The following HMCN1 variants were observed in gnomAD, a reference collection of about 807,000 sequenced individuals.
The protein encoded by HMCN1 is hemicentin 1.
A neutral mutation model predicts 625.9 loss-of-function variants in HMCN1; 321 were observed. The ratio of observed to expected loss-of-function variants is 0.51; its 90% CI spans 0.47 to 0.56. HMCN1 has a LOEUF of 0.56. Among genes scored for constraint, HMCN1 ranks in the 20% least tolerant of loss-of-function variants. The pLI is 0.00. For synonymous variants in HMCN1, 2,425 were observed against 2,417.6 expected, an observed-to-expected ratio of 1.00 and a Z score of -0.09; for missense variants, 6,588 against 6,887.3, an observed-to-expected ratio of 0.96 and a Z score of 1.54.
chr1:186,169,805 G>A (rs1652106508), intron 100 of HMCN1, among the ~76,000 whole-genome samples: 1 of 152,074 alleles, frequency 6.6e-6, no homozygotes. Context: ...CAAAAGCAAT[G>A]GCAACAAAAG....
At chr1:186,010,745 A>G (rs1429922078) in intron 30 of HMCN1, among the ~76,000 whole-genome samples, 1 of 152,206 alleles carries the variant, frequency 6.6e-6, no homozygotes, top group African/African-American at 2.4e-5. Context: ...TTAATTACCG[A>G]TAGCAGGACT....
chr1:186,151,099 G>GA, intron 93 of HMCN1, 101 bp from the exon 94 acceptor site: 1 of 1,179,676 alleles, frequency 8.5e-7, no homozygotes. Context: ...TGATGTTTGA[G>GA]AAAAGATTTG....
chr1:185,874,255 T>A (rs1663798872), intron 4 of HMCN1, among the ~76,000 whole-genome samples: 1 of 152,050 alleles, frequency 6.6e-6, no homozygotes, highest in African/African-American at 2.4e-5. Context: ...AAATGCCATT[T>A]AAATACCAAA....
intron 11 of HMCN1, among the ~76,000 whole-genome samples, chr1:185,944,052 G>A (rs1469849671): frequency 6.6e-6 from 1 of 152,136 alleles, no homozygotes; most frequent in Non-Finnish European, 1.5e-5. Context: ...AAGCCAGCAA[G>A]TGGCAGAGTA....
intron 1 of HMCN1, among the ~76,000 whole-genome samples, chr1:185,837,606 A>G (rs16824557): frequency 3.2e-3 from 490 of 152,186 alleles, no homozygotes; most frequent in African/African-American, 0.011. Flanking sequence ...TTTGAAAAGT[A>G]GAATGTTATT....
chr1:185,979,348 A>G (rs1651457450), intron 16 of HMCN1, among the ~76,000 whole-genome samples: 1 of 152,184 alleles, frequency 6.6e-6, no homozygotes, highest in Non-Finnish European at 1.5e-5. Context: ...AGATGAGAGA[A>G]AGGGAACATT....
At chr1:186,153,370 G>T (rs560430786) in intron 96 of HMCN1, among the ~76,000 whole-genome samples, 4 of 152,060 alleles carry the variant, frequency 2.6e-5, no homozygotes, top group African/African-American at 9.6e-5. Context: ...AGTTTTATTA[G>T]CCCCTATACA....
chr1:185,849,910 C>G (rs1571443742), intron 2 of HMCN1, among the ~76,000 whole-genome samples: 1 of 151,562 alleles, frequency 6.6e-6, no homozygotes, highest in African/African-American at 2.4e-5. Flanking sequence ...TTACTATTTG[C>G]TTTTCTCTGC....
intron 14 of HMCN1, among the ~76,000 whole-genome samples, chr1:185,966,727 T>C (rs572780770): frequency 2.0e-5 from 3 of 152,356 alleles, no homozygotes; most frequent in African/African-American, 4.8e-5. Flanking sequence ...CAAAGCACTA[T>C]TGTTATGATT....
At chr1:186,019,992 T>C (rs1234083868) in intron 35 of HMCN1, among the ~76,000 whole-genome samples, 1 of 152,030 alleles carries the variant, frequency 6.6e-6, no homozygotes, top group Non-Finnish European at 1.5e-5. Context: ...CACAGATGAA[T>C]GATGTTCATC....
chr1:185,796,817 T>C (rs1658417902), intron 1 of HMCN1, among the ~76,000 whole-genome samples: 1 of 152,224 alleles, frequency 6.6e-6, no homozygotes, highest in Admixed American at 6.5e-5. Flanking sequence ...CGAGTGCAGA[T>C]ACCCTTTTGA....
intron 95 of HMCN1, among the ~76,000 whole-genome samples, chr1:186,152,431 C>G (rs1045704466): frequency 7.9e-5 from 12 of 152,276 alleles, no homozygotes; most frequent in East Asian, 5.8e-4. Flanking sequence ...AGCACTGTGG[C>G]CAGACTAGTG....
At chr1:185,994,686 G>T (rs1652663371) in intron 23 of HMCN1, 129 bp from the exon 24 acceptor site, 3 of 883,694 alleles carry the variant, frequency 3.4e-6, no homozygotes, top group East Asian at 2.6e-5. Context: ...AATGATCCGA[G>T]CCTAGGTCCA....
At chr1:186,161,051 G>A (rs927240859) in intron 97 of HMCN1, among the ~76,000 whole-genome samples, 1 of 152,194 alleles carries the variant, frequency 6.6e-6, no homozygotes, top group African/African-American at 2.4e-5. Context: ...ATGTGTGGGA[G>A]TCTAAGTCTC....
intron 1 of HMCN1, among the ~76,000 whole-genome samples, chr1:185,833,837 C>T (rs560362217): frequency 1.3e-5 from 2 of 152,202 alleles, no homozygotes; most frequent in African/African-American, 4.8e-5. Flanking sequence ...TCAGATATCA[C>T]ATTTTTCATT....
At chr1:186,119,163 A>ATAT (rs778953169) in intron 77 of HMCN1, 28 bp from the exon 78 acceptor site, 1 of 1,520,360 alleles carries the variant, frequency 6.6e-7, no homozygotes, top group East Asian at 2.2e-5. Context: ...GATGCAGTAT[A>ATAT]TATTAAAACA....
At chr1:186,015,646 G>A (rs920914542) in intron 31 of HMCN1, among the ~76,000 whole-genome samples, 16 of 152,094 alleles carry the variant, frequency 1.1e-4, no homozygotes, top group Non-Finnish European at 2.1e-4. Context: ...ACTAACCTTT[G>A]TCATGGCACT....
intron 49 of HMCN1, among the ~76,000 whole-genome samples, chr1:186,066,950 C>A (rs1658156385): frequency 6.6e-6 from 1 of 152,166 alleles, no homozygotes. Flanking sequence ...CCAGATCTTT[C>A]TTGCAAGGTT....
chr1:186,151,517 G>A (rs1650663145), intron 94 of HMCN1, 89 bp from the exon 95 acceptor site: 2 of 1,397,996 alleles, frequency 1.4e-6, no homozygotes, highest in South Asian at 2.4e-5. Context: ...ACATTATTTA[G>A]AATTCATCCT....
Sources: gnomAD v4.1 joint callset for allele counts (sites outside exome capture counted in the v4.1 genomes callset) on GRCh38, gnomAD v4.1.1 for gene constraint, MANE v1.5 for transcripts, NCBI Gene and HGNC (gene_info 2026-07-23, HGNC 2026-07-21) for gene names.